The following KDM8 variants were observed in gnomAD, a reference collection of about 807,000 sequenced individuals.
KDM8 encodes lysine demethylase 8, also known as bifunctional peptidase and arginyl-hydroxylase JMJD5.
A neutral mutation model predicts 46.9 loss-of-function variants in KDM8; 35 were observed. The observed-to-expected ratio is 0.75, with a 90% confidence interval of 0.57 to 0.99. The LOEUF (loss-of-function observed/expected upper bound fraction) is 0.99. Among genes scored for constraint, KDM8 ranks in the 50% least tolerant of loss-of-function variants. The pLI, the probability that KDM8 is intolerant of heterozygous loss-of-function variation, is 0.00. For missense variants in KDM8, 475 were observed against 537.0 expected (o/e 0.88, Z 1.14); for synonymous variants, 232 against 227.7 (o/e 1.02, Z -0.17).
Position 27,210,206 on chromosome 16 carries a change from A to G in KDM8, c.83A>G (p.His28Arg). The change falls in exon 2 of 8, where the codon CAC (histidine) becomes CGC (arginine). Residue 28 changes from histidine to arginine, a missense_variant. Transcript: ENST00000286096. ...LWEALRALLP[H>R]SKEDLKLDLG... ...GAGGCCCTCAGGGCGCTCCTGCCGC[A>G]CAGTAAAGAAGACCTGAAGTTGGAC... is the stretch of plus-strand genomic sequence containing the variant. 3 of 1,613,342 alleles carry G rather than the reference A, an allele frequency of 1.9e-6. No individual in the cohort carries two copies. Among genetic ancestry groups the G allele is most frequent in the Non-Finnish European group, 2.5e-6 (3 of 1,180,030 alleles).
chr16:27,205,175 T>C (rs879700670), intron 1 of KDM8, among the ~76,000 whole-genome samples: 2 of 152,258 alleles, frequency 1.3e-5, no homozygotes, highest in African/African-American at 2.4e-5. Context: ...AGTCCAGGCC[T>C]GAGTCTATTC....
chr16:27,220,003 C>T (rs889544350), intron 6 of KDM8, among the ~76,000 whole-genome samples: 2 of 152,236 alleles, frequency 1.3e-5, no homozygotes, highest in East Asian at 3.9e-4. Flanking sequence ...TCACTTGAGG[C>T]CAGGAGTTCA....
At chr16:27,212,735 A>G (rs2083499349) in intron 2 of KDM8, among the ~76,000 whole-genome samples, 1 of 152,116 alleles carries the variant, frequency 6.6e-6, no homozygotes, top group Non-Finnish European at 1.5e-5. Context: ...CTCGGTCTCA[A>G]TAAATAAATA....
chr16:27,205,118 C>T (rs1196715636), intron 1 of KDM8, among the ~76,000 whole-genome samples: 1 of 152,208 alleles, frequency 6.6e-6, no homozygotes, highest in Non-Finnish European at 1.5e-5. Context: ...CAGGGACCTA[C>T]TTTGCCAGTT....
At chr16:27,211,192 T>C (rs1428404406) in intron 2 of KDM8, 2 of 455,062 alleles carry the variant, frequency 4.4e-6, no homozygotes, top group Admixed American at 2.4e-5. Flanking sequence ...TCGTGGTTCC[T>C]GAGGGAAACA....
Position 27,210,339 on chromosome 16 carries a change from G to C in KDM8, c.216G>C (p.Leu72=). The C allele has an allele frequency of 1.2e-6, 2 of 1,613,312 alleles. No individual in the cohort carries two copies. Among genetic ancestry groups the C allele is most frequent in the Non-Finnish European group, 1.7e-6 (2 of 1,180,032 alleles). ...GTCTGCAGAGCAGCGAGGTGATCCT[G>C]GACTACTCCTGGGAGAAGCTCAACA... ...DECLQSSEVI[L]DYSWEKLNTG... is the part of the protein sequence containing the mutation. Residue 72 remains leucine, a synonymous_variant, in exon 2 of 8, where the codon CTG becomes CTC. Transcript: ENST00000286096.
chr16:27,220,245 C>T (rs2083602605), intron 6 of KDM8, 148 bp from the exon 7 acceptor site: 2 of 713,556 alleles, frequency 2.8e-6, no homozygotes, highest in Non-Finnish European at 2.5e-6. Context: ...GAAAGAAAAA[C>T]ATACACGTGG....
In KDM8 at chr16:27,205,202, G is replaced by A. The variant is rs1296615826; in HGVS notation, c.-32+1566G>A. Among the ~76,000 whole-genome samples, 5 of 152,090 alleles carry A rather than the reference G, an allele frequency of 3.3e-5. No individual in the cohort carries two copies. The East Asian group carries it at 9.6e-4, about 29-fold the overall frequency. ...AGTCTATTCCGGCTGTTTTATACAG[G>A]TTATACTTGGCTCCTTTTTGTTTAG... On this transcript the variant is annotated intron_variant, in intron 1 of 7. Transcript: ENST00000286096.
intron 1 of KDM8, chr16:27,204,283 G>A: frequency 7.1e-7 from 1 of 1,400,010 alleles, no homozygotes; most frequent in African/African-American, 1.5e-5. Context: ...GCAACGGTAG[G>A]AATCGCCGTG....
At chr16:27,219,474 TCA>T (rs1353378943) in intron 6 of KDM8, among the ~76,000 whole-genome samples, 2 of 152,204 alleles carry the variant, frequency 1.3e-5, no homozygotes, top group Non-Finnish European at 2.9e-5. Context: ...AGGAGTTTTC[TCA>T]GTCACTGGGA....
At chr16:27,206,146 C>T (rs1446912188) in intron 1 of KDM8, 1 of 801,812 alleles carries the variant, frequency 1.2e-6, no homozygotes, top group Non-Finnish European at 1.5e-6. Context: ...GTCTGTGGCA[C>T]CACTCTCAAA....
intron 5 of KDM8, 71 bp from the exon 6 acceptor site, chr16:27,218,890 C>T: frequency 1.9e-6 from 3 of 1,558,254 alleles, no homozygotes; most frequent in Admixed American, 3.4e-5. Context: ...GTTTCTGACT[C>T]TTCGTTGGCC....
chr16:27,215,451 G>A (rs560204732), intron 4 of KDM8, among the ~76,000 whole-genome samples: 11 of 152,152 alleles, frequency 7.2e-5, no homozygotes, highest in Admixed American at 2.0e-4. Context: ...ATAGTGGTAC[G>A]TGCCTGTAAT....
At chr16:27,204,374 G>A (rs1596640611) in intron 1 of KDM8, 2 of 1,321,308 alleles carry the variant, frequency 1.5e-6, no homozygotes, top group East Asian at 3.1e-5. Flanking sequence ...ACACAAGACT[G>A]TGTGCCCCTT....
chr16:27,219,160 C>T (rs755842572), intron 6 of KDM8, 50 bp downstream of exon 6: 18 of 1,526,914 alleles, frequency 1.2e-5, no homozygotes, highest in Middle Eastern at 3.5e-4. Flanking sequence ...CTGGCCCAGA[C>T]ACCTGGCCGG....
In KDM8 at chr16:27,220,806, A is replaced by G. The variant is rs766708038; in HGVS notation, c.*76A>G. 5.2e-6 allele frequency: 8 copies of G among 1,542,264 alleles called. No individual in the cohort carries two copies. The highest frequency in any genetic ancestry group is 3.3e-5 in the Admixed American group (2 of 59,902). ...ACTAATTTCCTGGGTCCTGGAATCTATAGAGACAAGCAGGACTGAACCTGT... is the reference window on the plus strand; with the variant it reads ...ACTAATTTCCTGGGTCCTGGAATCTGTAGAGACAAGCAGGACTGAACCTGT... On this transcript the variant is annotated 3_prime_UTR_variant, in exon 8 of 8. Transcript: ENST00000286096.
At chr16:27,208,134 C>G (rs375603747) in intron 1 of KDM8, among the ~76,000 whole-genome samples, 2 of 152,252 alleles carry the variant, frequency 1.3e-5, no homozygotes, top group African/African-American at 2.4e-5. Flanking sequence ...ACAGCCAACT[C>G]ACAGTATTAG....
chr16:27,212,785 G>A (rs2083499794), intron 2 of KDM8, among the ~76,000 whole-genome samples: 1 of 152,148 alleles, frequency 6.6e-6, no homozygotes, highest in Non-Finnish European at 1.5e-5. Flanking sequence ...CGACCTCCTA[G>A]GCTTAGGTGA....
In KDM8 at chr16:27,220,414, C is replaced by T. The variant is rs141947860; in HGVS notation, c.1015C>T (p.Arg339Trp). The change falls in exon 7 of 8, where the codon CGG becomes TGG. Residue 339 changes from arginine to tryptophan, a missense_variant. Arg to Trp is a moderately radical substitution (Grantham distance 101). Coordinates refer to ENST00000286096, the MANE Select transcript of KDM8 (RefSeq NM_024773.3). ...LVQVMGRKYI[R>W]LYSPQESGAL... ...CCAGGTGATGGGGAGGAAGTACATC[C>T]GGCTGTATTCCCCGCAGGAGTCAGG... 5.6e-6 allele frequency: 9 copies of T among 1,613,978 alleles called. No homozygotes were observed. Among genetic ancestry groups the T allele is most frequent in the Admixed American group, 3.3e-5 (2 of 60,014 alleles).
Sources: gnomAD v4.1 joint callset for allele counts (sites outside exome capture counted in the v4.1 genomes callset) on GRCh38, gnomAD v4.1.1 for gene constraint, MANE v1.5 for transcripts, NCBI Gene and HGNC (gene_info 2026-07-23, HGNC 2026-07-21) for gene names.